ZNF804B: variants seen among roughly 807,000 people sequenced by gnomAD.
ZNF804B encodes zinc finger protein 804B, also known as zinc finger 804B.
Under a neutral mutation model 101.4 loss-of-function variants are expected in ZNF804B, and 80 were observed. That is an observed-to-expected ratio of 0.79 (90% CI 0.66 to 0.95). The LOEUF is 0.95. Among genes scored for constraint, ZNF804B ranks in the 40% least tolerant of loss-of-function variants. The pLI is 0.00. For missense variants in ZNF804B, 1,673 were observed against 1,561.9 expected (o/e 1.07, Z -1.20); for synonymous variants, 622 against 558.8 (o/e 1.11, Z -1.59).
rs148164344 is a variant in ZNF804B, at chr7:89,297,114, A to G, written c.250-30230A>G. ...TAAAACTATCTTAATTAGTATAGGT[A>G]GATGTGTTCTGCCTGACCAGGTCAC... On this transcript the variant is annotated intron_variant, in intron 2 of 3. Transcript: ENST00000333190. Among the ~76,000 whole-genome samples, 664 of 152,208 alleles carry G rather than the reference A, an allele frequency of 4.4e-3. 4 individuals carry two copies. The highest frequency in any genetic ancestry group is 0.015 in the African/African-American group (637 of 41,564).
intron 1 of ZNF804B, among the ~76,000 whole-genome samples, chr7:89,198,396 T>C (rs569196786): frequency 6.6e-6 from 1 of 151,930 alleles, no homozygotes; most frequent in African/African-American, 2.4e-5. Context: ...TGCTCACTAT[T>C]TATGTTTACA....
At chr7:89,177,113 T>A (rs1218341288) in intron 1 of ZNF804B, among the ~76,000 whole-genome samples, 1 of 152,166 alleles carries the variant, frequency 6.6e-6, no homozygotes, top group Non-Finnish European at 1.5e-5. Context: ...TATTTTTTGT[T>A]CGAATTTATT....
chr7:88,845,126 T>C (rs1028901933), intron 1 of ZNF804B, among the ~76,000 whole-genome samples: 1 of 152,228 alleles, frequency 6.6e-6, no homozygotes, highest in African/African-American at 2.4e-5. Flanking sequence ...GGTGGTTCAA[T>C]GGAAAAGCAT....
chr7:89,069,581 A>G (rs1423872185), intron 1 of ZNF804B, among the ~76,000 whole-genome samples: 1 of 152,156 alleles, frequency 6.6e-6, no homozygotes, highest in Admixed American at 6.6e-5. Context: ...TACGATAAGC[A>G]TTTTGAGTGT....
rs563190360 is a variant in ZNF804B at position 88,873,039 on chromosome 7, C to G, written c.108+112955C>G. On this transcript the variant is annotated intron_variant, in intron 1 of 3. Coordinates refer to ENST00000333190, the MANE Select transcript of ZNF804B (RefSeq NM_181646.5). Reference sequence around the variant, plus strand: ...TTCTAGTTCTAGATCCCTGAGGAATCGCCACACTGACTTCCACAATGGTTG... The same window carrying G: ...TTCTAGTTCTAGATCCCTGAGGAATGGCCACACTGACTTCCACAATGGTTG... Among the ~76,000 whole-genome samples, 211 of 151,946 alleles carry G rather than the reference C, an allele frequency of 1.4e-3. 3 individuals are homozygous for G. Among genetic ancestry groups the G allele is most frequent in the Admixed American group, 0.012 (188 of 15,246 alleles).
At chr7:89,047,903 T>G (rs370473767) in intron 1 of ZNF804B, among the ~76,000 whole-genome samples, 1 of 135,500 alleles carries the variant, frequency 7.4e-6, no homozygotes, top group Non-Finnish European at 1.7e-5. Flanking sequence ...CTTTTTTTTT[T>G]TTCCCCCTTT....
intron 1 of ZNF804B, among the ~76,000 whole-genome samples, chr7:89,040,684 G>A (rs1789003494): frequency 6.6e-6 from 1 of 152,090 alleles, no homozygotes; most frequent in African/African-American, 2.4e-5. Context: ...TTGATTATTT[G>A]TAATCCTGTG....
At chr7:88,970,416 A>G (rs1793516179) in intron 1 of ZNF804B, among the ~76,000 whole-genome samples, 1 of 150,122 alleles carries the variant, frequency 6.7e-6, no homozygotes, top group Non-Finnish European at 1.5e-5. Flanking sequence ...ATCAAATGAC[A>G]CTGAAAAATA....
At chr7:88,879,293 C>G (rs1164103083) in intron 1 of ZNF804B, among the ~76,000 whole-genome samples, 1 of 151,958 alleles carries the variant, frequency 6.6e-6, no homozygotes, top group East Asian at 1.9e-4. Context: ...GATATTGCCA[C>G]CAAAGGGGGT....
intron 1 of ZNF804B, among the ~76,000 whole-genome samples, chr7:88,921,210 G>A (rs1792713756): frequency 6.6e-6 from 1 of 152,042 alleles, no homozygotes; most frequent in Admixed American, 6.6e-5. Context: ...AGGAGAGCGA[G>A]TTGGGAGAAT....
chr7:89,014,699 C>A (rs1040177738), intron 1 of ZNF804B, among the ~76,000 whole-genome samples: 4 of 152,142 alleles, frequency 2.6e-5, no homozygotes, highest in African/African-American at 9.7e-5. Context: ...ATTTTAAAAT[C>A]AAATTGTTTA....
In ZNF804B at chr7:88,792,347, A is replaced by G. The variant is rs1232712049; in HGVS notation, c.108+32263A>G. Among the ~76,000 whole-genome samples, 4 of 152,168 alleles carry G rather than the reference A, an allele frequency of 2.6e-5. No individual in the cohort carries two copies. The South Asian group carries it at 6.2e-4, about 24-fold the overall frequency. On this transcript the variant is annotated intron_variant, in intron 1 of 3. Coordinates refer to ENST00000333190, the MANE Select transcript of ZNF804B (RefSeq NM_181646.5). ...GCCATATTTTCTGATTTATAAATAT[A>G]TAATTTTTATCCAAAATTCAAACTT...
intron 1 of ZNF804B, among the ~76,000 whole-genome samples, chr7:89,148,060 G>C (rs1790816512): frequency 6.6e-6 from 1 of 151,938 alleles, no homozygotes; most frequent in African/African-American, 2.4e-5. Flanking sequence ...TGCCAAAAAG[G>C]TTAGGGACCA....
At position 89,334,842 on chromosome 7, in the gene ZNF804B, T is replaced by C. The variant is rs762460375; in HGVS notation, c.1860T>C (p.Asp620=). 4 of 1,613,732 alleles carry C rather than the reference T, an allele frequency of 2.5e-6. No individual in the cohort carries two copies. The African/African-American group carries it at 4.0e-5, about 16-fold the overall frequency. ...GCTGCAGAAAGGCAGTTCTAAATGA[T>C]ATAGATGAGGACCTATCTTTTCCTT... The part of the protein sequence containing the change: ...WQGCRKAVLN[D]IDEDLSFPSY... The change falls in exon 4 of 4, where the codon GAT becomes GAC. Residue 620 remains aspartate, a synonymous_variant. Coordinates refer to ENST00000333190, the MANE Select transcript of ZNF804B (RefSeq NM_181646.5).
chr7:88,874,158 T>C (rs1406111050), intron 1 of ZNF804B, among the ~76,000 whole-genome samples: 1 of 152,154 alleles, frequency 6.6e-6, no homozygotes, highest in East Asian at 1.9e-4. Flanking sequence ...AGCAGTGGTT[T>C]GTAGTTCTCC....
At chr7:89,239,191 G>C (rs1161305060) in intron 2 of ZNF804B, among the ~76,000 whole-genome samples, 2 of 152,116 alleles carry the variant, frequency 1.3e-5, no homozygotes, top group Non-Finnish European at 2.9e-5. Context: ...ATAAGGGACT[G>C]GTTTGTGCAG....
chr7:88,914,763 T>C (rs181049110), intron 1 of ZNF804B, among the ~76,000 whole-genome samples: 1 of 152,350 alleles, frequency 6.6e-6, no homozygotes. Flanking sequence ...AAGGACATTG[T>C]TGACAGATTT....
intron 2 of ZNF804B, among the ~76,000 whole-genome samples, chr7:89,326,560 C>A (rs1790899053): frequency 6.6e-6 from 1 of 152,028 alleles, no homozygotes; most frequent in Non-Finnish European, 1.5e-5. Context: ...TTTAAATACA[C>A]TTCCAATTCA....
intron 1 of ZNF804B, among the ~76,000 whole-genome samples, chr7:89,130,681 C>T (rs985526919): frequency 1.3e-5 from 2 of 151,928 alleles, no homozygotes; most frequent in Non-Finnish European, 1.5e-5. Flanking sequence ...GAGGGGACGC[C>T]TTTAAAGAAT....
Sources: gnomAD v4.1 joint callset for allele counts (sites outside exome capture counted in the v4.1 genomes callset) on GRCh38, gnomAD v4.1.1 for gene constraint, MANE v1.5 for transcripts, NCBI Gene and HGNC (gene_info 2026-07-23, HGNC 2026-07-21) for gene names.